Variants in ENPP7 observed in about 807,000 individuals in gnomAD.
ENPP7 encodes the protein ectonucleotide pyrophosphatase/phosphodiesterase 7.
A neutral mutation model predicts 33.6 loss-of-function variants in ENPP7; 39 were observed. That is an observed-to-expected ratio of 1.16 (90% CI 0.90 to 1.52). ENPP7 has a LOEUF of 1.52. ENPP7 is among the 40% of genes most tolerant of loss of function. ENPP7 has a pLI of 0.00. For synonymous variants in ENPP7, 244 were observed against 274.3 expected (o/e 0.89, Z 1.09); for missense variants, 594 against 641.0 (o/e 0.93, Z 0.79).
Position 79,735,272 on chromosome 17 carries a change from C to A in ENPP7, c.629C>A (p.Pro210Gln). The part of the protein sequence containing the change: ...STGHRYGPES[P>Q]ERREMVRQVD... ...GGCCACAGGTACGGCCCCGAGTCCC[C>A]GGAGAGGAGGGAGATGGTGCGGCAG... Residue 210 changes from proline (P) to glutamine (Q), a missense_variant, in exon 3 of 6, where the codon CCG becomes CAG. Around this residue, in one of 3 missense-constraint regions of ENPP7, gnomAD observed 504 missense variants for 512.8 expected, o/e 0.98. Coordinates refer to ENST00000328313, the MANE Select transcript of ENPP7 (RefSeq NM_178543.5). The surrounding 1 kb of genome is among the most constrained non-coding windows in gnomAD (Gnocchi z 5.5). 1 of 1,613,460 alleles carries A rather than the reference C, an allele frequency of 6.2e-7. No homozygotes were observed. Among genetic ancestry groups the A allele is most frequent in the Non-Finnish European group, 8.5e-7 (1 of 1,180,022 alleles).
chr17:79,737,531 C>G lies in ENPP7; in HGVS notation c.1246+271C>G, dbSNP rs569406723. Among the ~76,000 whole-genome samples the G allele has an allele frequency of 1.3e-5, 2 of 152,186 alleles. No individual in the cohort carries two copies. The highest frequency in any genetic ancestry group is 2.9e-5 in the Non-Finnish European group (2 of 68,010). On this transcript the variant is annotated intron_variant, in intron 4 of 5. Transcript: ENST00000328313. This position sits in a 1 kb window ranked among gnomAD's most constrained non-coding sequence, Gnocchi z 5.5. ...AGGGAGCGAGGGTGGCCCAGGCGGG[C>G]CTGCTGTGCAGAGCCCACCTCCTGG...
chr17:79,738,395 T>C lies in ENPP7; in HGVS notation c.*16+333T>C, dbSNP rs1038835585. The stretch of plus-strand genomic sequence containing the variant: ...CCCCTCCTTCCTGCCATCTCTGTGC[T>C]CCACTGGGATAGCTCGGAAACCGTC... On this transcript the variant is annotated intron_variant, in intron 5 of 5. Coordinates refer to ENST00000328313, the MANE Select transcript of ENPP7 (RefSeq NM_178543.5). The surrounding 1 kb of genome is among the most constrained non-coding windows in gnomAD (Gnocchi z 6.2). 5 of 271,034 alleles carry C rather than the reference T, an allele frequency of 1.8e-5. No homozygotes were observed. Among genetic ancestry groups the C allele is most frequent in the Non-Finnish European group, 3.6e-5 (5 of 138,782 alleles). The allele number at this position is 271,034 out of a possible 1,614,324, so 16.8% of individuals were successfully genotyped here.
In ENPP7 at chr17:79,732,121, C is replaced by CATATATATATATACACATATATACACAT; in HGVS notation, c.253+739_253+740insATACACATATATACACATATATATATAT. 7.6e-3 allele frequency among the ~76,000 whole-genome samples: 368 copies of CATATATATATATACACATATATACACAT among 48,614 alleles called. 16 individuals carry two copies. The highest frequency in any genetic ancestry group is 0.026 in the African/African-American group (355 of 13,876). The allele number at this position is 48,614 out of a possible 152,430, so 31.9% of individuals were successfully genotyped here. ...TAATATATATATACATATATATATA[C>CATATATATATATACACATATATACACAT]ATATATATATGTATATATATATATA... On this transcript the variant is annotated intron_variant, in intron 1 of 5. Transcript: ENST00000328313.
rs73418409 is a variant in ENPP7, at chr17:79,739,319, A to G, written c.*16+1257A>G. On this transcript the variant is annotated intron_variant, in intron 5 of 5. Coordinates refer to ENST00000328313, the MANE Select transcript of ENPP7 (RefSeq NM_178543.5). This position sits in a 1 kb window ranked among gnomAD's most constrained non-coding sequence, Gnocchi z 4.4. ...GTGGGATGCACAGCGGGGAGCCCCA[A>G]GCTGAGGTTACACAGGGTCTGAGGT... The G allele has an allele frequency of 8.3e-3, 1,263 of 152,514 alleles. 21 individuals are homozygous for G. Among genetic ancestry groups the G allele is most frequent in the African/African-American group, 0.029 (1,192 of 41,590 alleles). 9.4% of individuals were successfully genotyped at this position (152,514 alleles called of 1,614,324 possible).
At position 79,737,583 on chromosome 17, in the gene ENPP7, C is replaced by A. The variant is rs1376521628; in HGVS notation, c.1246+323C>A. Among the ~76,000 whole-genome samples the A allele has an allele frequency of 2.0e-5, 3 of 152,158 alleles. No homozygotes were observed. In the South Asian group the frequency reaches 6.2e-4, roughly 32 times the overall value. Reference sequence around the variant, plus strand: ...TGCTGGATCCCCACTCCCCACTCCCCACCACAGCAACCTGAGGGCCTCCTT... The same window carrying A: ...TGCTGGATCCCCACTCCCCACTCCCAACCACAGCAACCTGAGGGCCTCCTT... On this transcript the variant is annotated intron_variant, in intron 4 of 5. Coordinates refer to ENST00000328313, the MANE Select transcript of ENPP7 (RefSeq NM_178543.5). This position sits in a 1 kb window ranked among gnomAD's most constrained non-coding sequence, Gnocchi z 5.5.
At chr17:79,740,563 T>G (rs575986930) in intron 5 of ENPP7, among the ~76,000 whole-genome samples, 2 of 152,342 alleles carry the variant, frequency 1.3e-5, no homozygotes, top group Non-Finnish European at 2.9e-5. Context: ...CACAACCATT[T>G]GTTCTCCACA....
rs2094285729 is a variant in ENPP7 at position 79,731,654 on chromosome 17, C to T, written c.253+262C>T. Among the ~76,000 whole-genome samples, 4 of 152,224 alleles carry T rather than the reference C, an allele frequency of 2.6e-5. 1 individual carries two copies. The South Asian group carries it at 8.3e-4, about 31-fold the overall frequency. On this transcript the variant is annotated intron_variant, in intron 1 of 5. Coordinates refer to ENST00000328313, the MANE Select transcript of ENPP7 (RefSeq NM_178543.5). ...GAGGAGGGGAGTGTGGCGGGCTCCC[C>T]GCTGGCTCCCATGGCTCCCCTCCCC... is the stretch of plus-strand genomic sequence containing the variant.
Position 79,735,040 on chromosome 17 carries a change from C to A in ENPP7, c.400-3C>A, listed in dbSNP as rs782601222. On this transcript the variant is annotated splice_region_variant and splice_polypyrimidine_tract_variant and intron_variant, in intron 2 of 5. Transcript: ENST00000328313. The surrounding 1 kb of genome is among the most constrained non-coding windows in gnomAD (Gnocchi z 5.5). ...CTGTCTTTCACGCTGCCTTGTCTGG[C>A]AGGGCCTGAGGGCTGGCTCCTTCTT... 4.3e-6 allele frequency: 7 copies of A among 1,612,020 alleles called. No individual in the cohort carries two copies. Among genetic ancestry groups the A allele is most frequent in the South Asian group, 2.2e-5 (2 of 91,026 alleles).
intron 1 of ENPP7, among the ~76,000 whole-genome samples, chr17:79,733,077 T>G (rs2094289301): frequency 6.6e-6 from 1 of 152,220 alleles, no homozygotes; most frequent in Admixed American, 6.5e-5. Flanking sequence ...CTCCACGTAG[T>G]TCACTGAAAT....
Position 79,742,078 on chromosome 17 carries a change from G to A in ENPP7, c.*301G>A, listed in dbSNP as rs1157664271. The A allele has an allele frequency of 7.1e-6, 3 of 423,262 alleles. No homozygotes were observed. Among genetic ancestry groups the A allele is most frequent in the South Asian group, 2.0e-4 (2 of 10,216 alleles). 26.2% of individuals were successfully genotyped at this position (423,262 alleles called of 1,614,324 possible). A position where few individuals can be genotyped will look rare whatever the true frequency, so the allele number is the denominator to read the frequency against. ...TCCTCCTGCAAAACCCGCTCCCGAA[G>A]CGGCGCTGCCGTCTGCAGCCACGCG... On this transcript the variant is annotated 3_prime_UTR_variant, in exon 6 of 6. Coordinates refer to ENST00000328313, the MANE Select transcript of ENPP7 (RefSeq NM_178543.5).
At position 79,731,212 on chromosome 17, in the gene ENPP7, CAA is replaced by C. The variant is rs1568484692; in HGVS notation, c.75_76del (p.Gln27GlyfsTer142). The C allele has an allele frequency of 6.2e-7, 1 of 1,612,558 alleles. No homozygotes were observed. The highest frequency in any genetic ancestry group is 1.7e-5 in the Admixed American group (1 of 60,022). ...LLAPGAGAPV[Q>X]SQGSQNKLLL... ...GGCTCCCGGGGCCGGAGCACCGGTACAAAGTCAGGGCTCCCAGAACAAGCTGC... is the reference window on the plus strand; with the variant it reads ...GGCTCCCGGGGCCGGAGCACCGGTACAGTCAGGGCTCCCAGAACAAGCTGC... On this transcript the variant is annotated frameshift_variant, in exon 1 of 6. Transcript: ENST00000328313. LOFTEE classifies it high-confidence loss of function.
At position 79,737,860 on chromosome 17, in the gene ENPP7, AG is replaced by A. The variant is rs2094298753; in HGVS notation, c.1247-54del. On this transcript the variant is annotated intron_variant, in intron 4 of 5. Coordinates refer to ENST00000328313, the MANE Select transcript of ENPP7 (RefSeq NM_178543.5). This position sits in a 1 kb window ranked among gnomAD's most constrained non-coding sequence, Gnocchi z 5.5. ...AGAGGACCCCGAGTTTACTGTGGAGAGGCTGGGGTGAGGAGCCATCCCTCTC... is the reference window on the plus strand; with the variant it reads ...AGAGGACCCCGAGTTTACTGTGGAGAGCTGGGGTGAGGAGCCATCCCTCTC... 2 of 1,593,924 alleles carry A rather than the reference AG, an allele frequency of 1.3e-6. No individual in the cohort carries two copies. Among genetic ancestry groups the A allele is most frequent in the Non-Finnish European group, 1.7e-6 (2 of 1,165,552 alleles).
Position 79,735,336 on chromosome 17 carries a change from G to T in ENPP7, c.693G>T (p.Ala231=). The T allele has an allele frequency of 6.2e-7, 1 of 1,613,590 alleles. No individual in the cohort carries two copies. Among genetic ancestry groups the T allele is most frequent in the Non-Finnish European group, 8.5e-7 (1 of 1,180,002 alleles). ...TGGGCTACCTCCGGGAGAGCATCGC[G>T]CGCAACCACCTCACAGACCGCCTCA... ...RTVGYLRESI[A]RNHLTDRLNL... is the part of the protein sequence containing the mutation. Residue 231 remains alanine, a synonymous_variant, in exon 3 of 6, where the codon GCG becomes GCT. Transcript: ENST00000328313. The surrounding 1 kb of genome is among the most constrained non-coding windows in gnomAD (Gnocchi z 5.5).
Position 79,735,779 on chromosome 17 carries a change from C to A in ENPP7, c.1026+110C>A, listed in dbSNP as rs2094294643. On this transcript the variant is annotated intron_variant, in intron 3 of 5. Transcript: ENST00000328313. This position sits in a 1 kb window ranked among gnomAD's most constrained non-coding sequence, Gnocchi z 5.5. ...TTGCTCTGTTGCCCAGGCTGGAGTG[C>A]AATGGCAGGATCTCAGCTCACTGCA... 5.9e-6 allele frequency: 6 copies of A among 1,019,720 alleles called. No individual in the cohort carries two copies. Among genetic ancestry groups the A allele is most frequent in the Non-Finnish European group, 8.5e-6 (6 of 706,980 alleles). 63.2% of individuals were successfully genotyped at this position (1,019,720 alleles called of 1,614,324 possible). A position where few individuals can be genotyped will look rare whatever the true frequency, so the allele number is the denominator to read the frequency against.
At chr17:79,731,554 G>A (rs1350662900) in intron 1 of ENPP7, among the ~76,000 whole-genome samples, 162 bp downstream of exon 1, 1 of 148,706 alleles carries the variant, frequency 6.7e-6, no homozygotes, top group African/African-American at 2.5e-5. Flanking sequence ...CAACAGATCC[G>A]GGACAAAGAA....
At position 79,735,288 on chromosome 17, in the gene ENPP7, G is replaced by C. The variant is rs368204503; in HGVS notation, c.645G>C (p.Met215Ile). The C allele has an allele frequency of 1.2e-6, 2 of 1,613,394 alleles. No individual in the cohort carries two copies. Among genetic ancestry groups the C allele is most frequent in the Non-Finnish European group, 1.7e-6 (2 of 1,180,036 alleles). ...CCGAGTCCCCGGAGAGGAGGGAGAT[G>C]GTGCGGCAGGTGGACCGGACCGTGG... ...YGPESPERRE[M>I]VRQVDRTVGY... The change falls in exon 3 of 6, where the codon ATG (methionine) becomes ATC (isoleucine). Residue 215 changes from methionine (M) to isoleucine (I), a missense_variant. By Grantham distance (10) the Met-to-Ile change is conservative. Coordinates refer to ENST00000328313, the MANE Select transcript of ENPP7 (RefSeq NM_178543.5). This position sits in a 1 kb window ranked among gnomAD's most constrained non-coding sequence, Gnocchi z 5.5.
rs781874570 is a variant in ENPP7 at position 79,737,922 on chromosome 17, C to T, written c.1253C>T (p.Ala418Val). The stretch of plus-strand genomic sequence containing the variant: ...GTCCTCTGGCTTTCCTTAGAATCTG[C>T]TCTTCCGCCTGATGGAAGGCCTACT... ...TLLPMLHTES[A>V]LPPDGRPTLL... Residue 418 changes from alanine (A) to valine (V), a missense_variant, in exon 5 of 6, where the codon GCT becomes GTT. This residue lies in a region of ENPP7 where 504 missense variants were observed against 512.8 expected (regional missense o/e 0.98). Coordinates refer to ENST00000328313, the MANE Select transcript of ENPP7 (RefSeq NM_178543.5). The surrounding 1 kb of genome is among the most constrained non-coding windows in gnomAD (Gnocchi z 5.5). 1.9e-6 allele frequency: 3 copies of T among 1,613,798 alleles called. No homozygotes were observed. In the Admixed American group the frequency reaches 5.0e-5, roughly 27 times the overall value.
At chr17:79,732,121 C>CATATATATATATATACATATATACATAT in intron 1 of ENPP7, among the ~76,000 whole-genome samples, 4 of 48,792 alleles carry the variant, frequency 8.2e-5, no homozygotes, top group African/African-American at 2.1e-4. Flanking sequence ...TATATATATA[C>CATATATATATATATACATATATACATAT]ATATATATAT....
chr17:79,736,543 G>A (rs1212883742), intron 3 of ENPP7, among the ~76,000 whole-genome samples: 4 of 79,702 alleles, frequency 5.0e-5, no homozygotes, highest in South Asian at 3.4e-4. Flanking sequence ...AGGCGTGTGT[G>A]TGTGTGTGTG....
Sources: gnomAD v4.1 joint callset for allele counts (sites outside exome capture counted in the v4.1 genomes callset) on GRCh38, gnomAD v4.1.1 for gene constraint, gnomAD v4.1.1 regional missense constraint, Gnocchi (gnomAD v3.1) non-coding constraint, MANE v1.5 for transcripts, NCBI Gene and HGNC (gene_info 2026-07-23, HGNC 2026-07-21) for gene names.